The following LRRC37A2 variants were observed in gnomAD, a reference collection of about 807,000 sequenced individuals.
The protein encoded by LRRC37A2 is leucine-rich repeat-containing protein 37A2.
A neutral mutation model predicts 68.8 loss-of-function variants in LRRC37A2; 9 were observed. That is an observed-to-expected ratio of 0.13 (90% CI 0.08 to 0.23). LRRC37A2 has a LOEUF of 0.23. Among genes scored for constraint, LRRC37A2 ranks in the 10% least tolerant of loss-of-function variants. The probability of loss-of-function intolerance (pLI) is 1.00; values close to 1 mark genes in which losing one functional copy is unlikely to be tolerated. For missense variants in LRRC37A2, 168 were observed against 950.4 expected (o/e 0.18, Z 10.82); for synonymous variants, 63 against 367.6 (o/e 0.17, Z 9.48).
the LRRC37A2 span, among the ~76,000 whole-genome samples, chr17:46,839,972 CTTTCTCTTCT>C: frequency 8.0e-6 from 1 of 124,842 alleles, no homozygotes; most frequent in Non-Finnish European, 1.7e-5. Flanking sequence ...TTCTTTCTTT[CTTTCTCTTCT>C]TTCTTTCTTT....
chr17:46,739,917 C>G, the LRRC37A2 span, among the ~76,000 whole-genome samples: 4 of 152,102 alleles, frequency 2.6e-5, no homozygotes, highest in African/African-American at 9.7e-5. Context: ...CCAGACTGGT[C>G]TCAAACTCCT....
chr17:46,935,854 G>C, the LRRC37A2 span: 5 of 986,008 alleles, frequency 5.1e-6, no homozygotes, highest in Non-Finnish European at 4.8e-6. Flanking sequence ...CCCTTTTCCT[G>C]TATCAACCCT....
the LRRC37A2 span, chr17:46,755,365 G>A: frequency 4.3e-6 from 7 of 1,612,694 alleles, no homozygotes; most frequent in Middle Eastern, 1.6e-4. Flanking sequence ...AAGAGAAGAA[G>A]GAGCGTAAGT....
the LRRC37A2 span, among the ~76,000 whole-genome samples, chr17:46,761,524 G>C: frequency 2.0e-5 from 3 of 151,620 alleles, no homozygotes; most frequent in Non-Finnish European, 2.9e-5. Context: ...TAGTAAAAAC[G>C]GGCTTTCACC....
the LRRC37A2 span, chr17:46,937,965 T>A: frequency 6.4e-6 from 1 of 157,306 alleles, no homozygotes; most frequent in African/African-American, 2.4e-5. Context: ...ACTCCTGGGC[T>A]CAAGTGGTTC....
the LRRC37A2 span, among the ~76,000 whole-genome samples, chr17:46,760,663 A>G: frequency 6.6e-6 from 1 of 151,536 alleles, no homozygotes; most frequent in Non-Finnish European, 1.5e-5. Context: ...AAAAAAAAGG[A>G]AAAAGTACCT....
the LRRC37A2 span, among the ~76,000 whole-genome samples, chr17:47,002,000 A>T: frequency 1.3e-5 from 2 of 151,966 alleles, no homozygotes; most frequent in South Asian, 4.1e-4. Context: ...CGGCCCCCCA[A>T]AGTGCTGGGA....
chr17:46,738,965 G>A, the LRRC37A2 span, among the ~76,000 whole-genome samples: 1 of 151,954 alleles, frequency 6.6e-6, no homozygotes, highest in African/African-American at 2.4e-5. Flanking sequence ...TCCAGGCACG[G>A]TGGCTCACAC....
chr17:46,898,481 C>T, the LRRC37A2 span, among the ~76,000 whole-genome samples: 2 of 152,206 alleles, frequency 1.3e-5, no homozygotes, highest in African/African-American at 2.4e-5. Flanking sequence ...GCCATGGCCT[C>T]TTCTTATGAG....
At chr17:46,899,391 C>T in the LRRC37A2 span, among the ~76,000 whole-genome samples, 16 of 152,064 alleles carry the variant, frequency 1.1e-4, no homozygotes, top group South Asian at 2.9e-3. Context: ...GGTGACAGAG[C>T]GAGACCCTGT....
chr17:46,814,113 T>G, the LRRC37A2 span, among the ~76,000 whole-genome samples: 1 of 152,272 alleles, frequency 6.6e-6, no homozygotes, highest in South Asian at 2.1e-4. Context: ...AGGGCAGACA[T>G]CACAGACCCA....
At chr17:47,003,545 A>G in the LRRC37A2 span, among the ~76,000 whole-genome samples, 1 of 152,246 alleles carries the variant, frequency 6.6e-6, no homozygotes, top group African/African-American at 2.4e-5. Context: ...GGTGTTGAGC[A>G]GAGAAGATGG....
chr17:46,811,025 T>A, the LRRC37A2 span, among the ~76,000 whole-genome samples: 1 of 152,062 alleles, frequency 6.6e-6, no homozygotes, highest in Admixed American at 6.6e-5. Context: ...AATGAGGCCA[T>A]TTTGAGAAGG....
the LRRC37A2 span, among the ~76,000 whole-genome samples, chr17:47,032,469 C>T: frequency 6.6e-6 from 1 of 152,218 alleles, no homozygotes; most frequent in Non-Finnish European, 1.5e-5. Flanking sequence ...TTCAATGCAG[C>T]TCTTAGTTCT....
the LRRC37A2 span, among the ~76,000 whole-genome samples, chr17:46,774,859 A>G: frequency 6.6e-6 from 1 of 152,204 alleles, no homozygotes; most frequent in Non-Finnish European, 1.5e-5. Context: ...AACCTGAGAA[A>G]ATGATCCGTG....
the LRRC37A2 span, among the ~76,000 whole-genome samples, chr17:46,461,441 T>C: frequency 9.4e-6 from 1 of 106,762 alleles, no homozygotes; most frequent in Admixed American, 9.5e-5. Context: ...ATTATTACCA[T>C]AAAAATCAGA....
At chr17:46,494,367 G>A in the LRRC37A2 span, among the ~76,000 whole-genome samples, 5 of 148,294 alleles carry the variant, frequency 3.4e-5, no homozygotes, top group East Asian at 9.9e-4. Context: ...ACCTAACCCA[G>A]ACCTTGCCAG....
At chr17:46,770,970 A>G in the LRRC37A2 span, among the ~76,000 whole-genome samples, 1 of 152,222 alleles carries the variant, frequency 6.6e-6, no homozygotes, top group Non-Finnish European at 1.5e-5. Context: ...TCGCCACCTG[A>G]CACAGGCTGT....
the LRRC37A2 span, among the ~76,000 whole-genome samples, chr17:46,568,855 A>G: frequency 8.0e-6 from 1 of 125,234 alleles, no homozygotes; most frequent in African/African-American, 3.2e-5. Flanking sequence ...TAAAGAGGCA[A>G]AACAACAAAA....
Sources: gnomAD v4.1 joint callset for allele counts (sites outside exome capture counted in the v4.1 genomes callset) on GRCh38, gnomAD v4.1.1 for gene constraint, MANE v1.5 for transcripts, NCBI Gene and HGNC (gene_info 2026-07-23, HGNC 2026-07-21) for gene names.